The following TNRC6B variants were observed in gnomAD, a reference collection of about 807,000 sequenced individuals.
The protein encoded by TNRC6B is trinucleotide repeat-containing gene 6B protein.
In TNRC6B, 52 loss-of-function variants were observed where a neutral mutation model predicts 203.6. That is an observed-to-expected ratio of 0.26 (90% confidence interval 0.20 to 0.32). TNRC6B has a LOEUF of 0.32. Ranked by LOEUF, TNRC6B falls within the 10% of genes least tolerant of loss-of-function variation. TNRC6B has a pLI of 1.00. For missense variants in TNRC6B, 1,923 were observed against 2,286.2 expected, an observed-to-expected ratio of 0.84 and a Z score of 3.24; for synonymous variants, 838 against 845.7, an observed-to-expected ratio of 0.99 and a Z score of 0.16.
chr22:40,254,894 A>G (rs2070246803), intron 3 of TNRC6B, among the ~76,000 whole-genome samples: 1 of 152,176 alleles, frequency 6.6e-6, no homozygotes, highest in Non-Finnish European at 1.5e-5. Flanking sequence ...CTCAAAAAAA[A>G]CAAAAACAAA....
intron 1 of TNRC6B, among the ~76,000 whole-genome samples, chr22:40,222,567 G>A (rs9623151): frequency 0.077 from 11,646 of 152,012 alleles, 1,379 homozygotes; most frequent in African/African-American, 0.25. Flanking sequence ...TTCCAGATCC[G>A]TATCTTGTTC....
At chr22:40,189,016 C>A (rs1476400286) in intron 1 of TNRC6B, among the ~76,000 whole-genome samples, 1 of 152,046 alleles carries the variant, frequency 6.6e-6, no homozygotes, top group Admixed American at 6.6e-5. Flanking sequence ...GCATATGATC[C>A]CCACTTTTGC....
chr22:40,308,702 A>C, intron 16 of TNRC6B, 53 bp downstream of exon 16: 3 of 1,549,390 alleles, frequency 1.9e-6, no homozygotes, highest in Non-Finnish European at 2.6e-6. Context: ...GTCTTGATGA[A>C]ACATCTTATA....
chr22:40,295,610 AGAT>A (rs2070928859), intron 12 of TNRC6B, among the ~76,000 whole-genome samples: 1 of 152,206 alleles, frequency 6.6e-6, no homozygotes, highest in East Asian at 1.9e-4. Flanking sequence ...TGAAATGAGA[AGAT>A]GCAATGGAGA....
rs202021918 is a variant in TNRC6B at position 40,277,031 on chromosome 22, T to C, written c.3142-46T>C. 26 of 1,478,102 alleles carry C rather than the reference T, an allele frequency of 1.8e-5. No homozygotes were observed. In the East Asian group the frequency reaches 5.9e-4, roughly 34 times the overall value. The allele number at this position is 1,478,102 out of a possible 1,614,324, so 91.6% of individuals were successfully genotyped here. ...TCTGTATTAATAAAACTCAGGAGGC[T>C]GAAATAAATTATTTGGTTCTGAGGT... On this transcript the variant is annotated intron_variant, in intron 7 of 22. Coordinates refer to ENST00000454349, the MANE Select transcript of TNRC6B (RefSeq NM_001162501.2).
In TNRC6B at chr22:40,312,489, G is replaced by A. The variant is rs1390928658; in HGVS notation, c.4436-16G>A. ...TAACGACCTTCCTTCTCTAATATTT[G>A]TTTTCCTTGTCTCAGAATTCCAACC... On this transcript the variant is annotated splice_polypyrimidine_tract_variant and intron_variant, in intron 17 of 22. Coordinates refer to ENST00000454349, the MANE Select transcript of TNRC6B (RefSeq NM_001162501.2). 1.3e-6 allele frequency: 2 copies of A among 1,595,220 alleles called. No individual in the cohort carries two copies. Among genetic ancestry groups the A allele is most frequent in the Non-Finnish European group, 1.7e-6 (2 of 1,173,170 alleles).
intron 3 of TNRC6B, among the ~76,000 whole-genome samples, chr22:40,155,118 T>G (rs1363422094): frequency 6.6e-6 from 1 of 151,748 alleles, no homozygotes; most frequent in Non-Finnish European, 1.5e-5. Context: ...TTATCTGTTT[T>G]ACTGTTGACA....
Position 40,270,149 on chromosome 22 carries a change from C to T in TNRC6B, c.2834C>T (p.Pro945Leu). The change falls in exon 6 of 23, where the codon CCA becomes CTA. Residue 945 changes from proline (P) to leucine (L), a missense_variant. Physicochemically the swap from Pro to Leu is moderately conservative, Grantham distance 98 (BLOSUM62 -3). Around this residue, in one of 8 missense-constraint regions of TNRC6B, gnomAD observed 599 missense variants for 656.5 expected, o/e 0.91. Coordinates refer to ENST00000454349, the MANE Select transcript of TNRC6B (RefSeq NM_001162501.2). ...SVWSKSTPPA[P>L]DNGTSAWGEP... is the part of the protein sequence containing the mutation. ...TGGAGCAAAAGCACACCACCTGCTCCAGATAATGGTACTTCCGCTTGGGGT... is the reference window on the plus strand; with the variant it reads ...TGGAGCAAAAGCACACCACCTGCTCTAGATAATGGTACTTCCGCTTGGGGT... 2 of 1,587,834 alleles carry T rather than the reference C, an allele frequency of 1.3e-6. No individual in the cohort carries two copies. The highest frequency in any genetic ancestry group is 2.3e-5 in the East Asian group (1 of 43,962).
intron 1 of TNRC6B, among the ~76,000 whole-genome samples, chr22:40,104,370 C>G (rs1471202473): frequency 1.3e-5 from 2 of 152,194 alleles, no homozygotes; most frequent in Non-Finnish European, 2.9e-5. Flanking sequence ...GGAGTCTACA[C>G]CTGTATTCTC....
intron 12 of TNRC6B, 113 bp from the exon 13 acceptor site, chr22:40,300,342 T>C: frequency 9.6e-7 from 1 of 1,044,744 alleles, no homozygotes; most frequent in Non-Finnish European, 1.3e-6. Flanking sequence ...CACAGAAAAG[T>C]TTGACAACTC....
intron 15 of TNRC6B, among the ~76,000 whole-genome samples, chr22:40,305,117 A>G (rs1483981832): frequency 6.6e-6 from 1 of 152,218 alleles, no homozygotes; most frequent in Non-Finnish European, 1.5e-5. Context: ...TGAACAGACC[A>G]TGAATTAGGG....
intron 22 of TNRC6B, among the ~76,000 whole-genome samples, chr22:40,322,157 G>A (rs2071342717): frequency 6.6e-6 from 1 of 152,156 alleles, no homozygotes; most frequent in Admixed American, 6.5e-5. Flanking sequence ...CTCACATGGG[G>A]AAAGAAAGAG....
At position 40,301,312 on chromosome 22, in the gene TNRC6B, C is replaced by G. The variant is rs776318392; in HGVS notation, c.4099C>G (p.Pro1367Ala). ...VGLPDLQTKGPIPGYGSGFSS... is the reference protein window; with the variant it reads ...VGLPDLQTKGAIPGYGSGFSS... ...GCTCCCAGACCTTCAAACCAAAGGG[C>G]CAATACCTGGATATGGTTCTGGTAA... The change falls in exon 15 of 23, where the codon CCA becomes GCA. Residue 1367 changes from proline (P) to alanine (A), a missense_variant. Coordinates refer to ENST00000454349, the MANE Select transcript of TNRC6B (RefSeq NM_001162501.2). 1.6e-5 allele frequency: 26 copies of G among 1,606,352 alleles called. No homozygotes were observed. Among genetic ancestry groups the G allele is most frequent in the Non-Finnish European group, 2.0e-5 (24 of 1,176,030 alleles).
intron 21 of TNRC6B, among the ~76,000 whole-genome samples, chr22:40,318,457 G>A (rs1392842205): frequency 6.6e-6 from 1 of 152,132 alleles, no homozygotes; most frequent in African/African-American, 2.4e-5. Context: ...TGTGGCGGGA[G>A]AATGGCATGA....
Position 40,335,650 on chromosome 22 carries a change from C to G in TNRC6B, c.*12409C>G, listed in dbSNP as rs1277454109. On this transcript the variant is annotated 3_prime_UTR_variant, in exon 23 of 23. Coordinates refer to ENST00000454349, the MANE Select transcript of TNRC6B (RefSeq NM_001162501.2). The stretch of plus-strand genomic sequence containing the variant: ...GGGTTTTTTTTGGGCTTTTAAACAG[C>G]TTATTTTTGTTTTTGTTTAGTTTTT... The G allele has an allele frequency of 6.8e-6, 1 of 146,318 alleles. No individual in the cohort carries two copies. The highest frequency in any genetic ancestry group is 2.5e-5 in the African/African-American group (1 of 39,342). 9.1% of individuals were successfully genotyped at this position (146,318 alleles called of 1,614,324 possible). A position where few individuals can be genotyped will look rare whatever the true frequency, so the allele number is the denominator to read the frequency against.
At chr22:40,154,782 A>C (rs1384682658) in intron 3 of TNRC6B, among the ~76,000 whole-genome samples, 2 of 137,758 alleles carry the variant, frequency 1.5e-5, no homozygotes, top group Non-Finnish European at 3.1e-5. Context: ...CAGAGCTTGC[A>C]GTGAGCCGAG....
chr22:40,188,635 C>T (rs1197458655), intron 1 of TNRC6B, among the ~76,000 whole-genome samples: 1 of 152,102 alleles, frequency 6.6e-6, no homozygotes, highest in African/African-American at 2.4e-5. Flanking sequence ...TTCCTTTACC[C>T]CTCTGCTTAC....
intron 1 of TNRC6B, among the ~76,000 whole-genome samples, chr22:40,206,717 C>A (rs773613658): frequency 1.9e-4 from 28 of 148,574 alleles, no homozygotes; most frequent in Non-Finnish European, 3.2e-4. Context: ...TGAGGTGGGT[C>A]AGCGCGTAAG....
At chr22:40,106,000 C>G (rs1435048259) in intron 1 of TNRC6B, among the ~76,000 whole-genome samples, 2 of 152,078 alleles carry the variant, frequency 1.3e-5, no homozygotes, top group African/African-American at 4.8e-5. Flanking sequence ...TTATGATTTT[C>G]TTTTGCATCA....
Sources: allele counts gnomAD v4.1 joint callset (sites outside exome capture counted in the v4.1 genomes callset), GRCh38; gene constraint gnomAD v4.1.1; regional missense constraint gnomAD v4.1.1; transcripts MANE v1.5; gene names NCBI Gene and HGNC (gene_info 2026-07-23, HGNC 2026-07-21).